The following TRPC6 variants were observed in gnomAD, a reference collection of about 807,000 sequenced individuals.
TRPC6 encodes the protein short transient receptor potential channel 6.
In TRPC6, 55 loss-of-function variants were observed where a neutral mutation model predicts 90.7. The ratio of observed to expected loss-of-function variants is 0.61; its 90% CI spans 0.49 to 0.76. The LOEUF (loss-of-function observed/expected upper bound fraction) is 0.76, where lower values mean the gene tolerates loss of function less well. TRPC6 is among the 30% of genes least tolerant of loss of function. The pLI is 0.00. For synonymous variants in TRPC6, 393 were observed against 393.0 expected (o/e 1.00, Z 0.00); for missense variants, 989 against 1,122.7 (o/e 0.88, Z 1.70).
At chr11:101,567,281 G>C (rs556965333) in intron 1 of TRPC6, among the ~76,000 whole-genome samples, 12 of 152,140 alleles carry the variant, frequency 7.9e-5, no homozygotes, top group African/African-American at 2.9e-4. Flanking sequence ...GCCCACCACA[G>C]CTCAGCAAAG....
chr11:101,514,449 G>C (rs11224810), intron 1 of TRPC6, among the ~76,000 whole-genome samples: 7,717 of 152,214 alleles, frequency 0.051, 332 homozygotes, highest in African/African-American at 0.11. Context: ...CTGAGAGGAG[G>C]GAAGAGGAGA....
chr11:101,463,676 G>C (rs765684479), intron 10 of TRPC6, among the ~76,000 whole-genome samples: 1 of 151,994 alleles, frequency 6.6e-6, no homozygotes, highest in African/African-American at 2.4e-5. Context: ...ATTTTTTATT[G>C]CATCTATTTG....
intron 1 of TRPC6, among the ~76,000 whole-genome samples, chr11:101,539,708 C>T (rs559888650): frequency 3.3e-5 from 5 of 152,232 alleles, no homozygotes; most frequent in Non-Finnish European, 7.4e-5. Context: ...AAAAATTGCT[C>T]ATAAATATTA....
In TRPC6 at chr11:101,500,078, T is replaced by C. The variant is rs28377128; in HGVS notation, c.945+3946A>G. Among the ~76,000 whole-genome samples, 14 of 144,230 alleles carry C rather than the reference T, an allele frequency of 9.7e-5. 2 individuals are homozygous for C. The highest frequency in any genetic ancestry group is 5.3e-5 in the African/African-American group (2 of 37,558). 94.6% of individuals were successfully genotyped at this position (144,230 alleles called of 152,430 possible). The stretch of plus-strand genomic sequence containing the variant: ...ATATGTGTGTGTGTATATATATATA[T>C]ACACACACACAATTTTTCTTTCCTT... On this transcript the variant is annotated intron_variant, in intron 2 of 12. Coordinates refer to ENST00000344327, the MANE Select transcript of TRPC6 (RefSeq NM_004621.6).
intron 4 of TRPC6, among the ~76,000 whole-genome samples, chr11:101,484,635 G>A (rs1376362971): frequency 7.1e-6 from 1 of 141,768 alleles, no homozygotes; most frequent in Non-Finnish European, 1.5e-5. Flanking sequence ...GTGTGTGTGT[G>A]TATGAGTGCA....
intron 2 of TRPC6, among the ~76,000 whole-genome samples, chr11:101,494,835 GGAGA>G (rs1017531325): frequency 2.6e-5 from 4 of 152,198 alleles, no homozygotes; most frequent in Non-Finnish European, 5.9e-5. Context: ...TATTTAAAAA[GGAGA>G]GAGAGAAAGA....
At chr11:101,523,911 A>G (rs1860717066) in intron 1 of TRPC6, among the ~76,000 whole-genome samples, 1 of 152,186 alleles carries the variant, frequency 6.6e-6, no homozygotes, top group African/African-American at 2.4e-5. Flanking sequence ...CCCTGCCTAC[A>G]TTTTAGTAAA....
intron 1 of TRPC6, among the ~76,000 whole-genome samples, chr11:101,511,206 T>C (rs1335805135): frequency 6.6e-6 from 1 of 152,152 alleles, no homozygotes; most frequent in African/African-American, 2.4e-5. Flanking sequence ...AAAGAAGTCA[T>C]TTGTTCTCAT....
intron 1 of TRPC6, among the ~76,000 whole-genome samples, chr11:101,559,720 G>C (rs1861670840): frequency 1.3e-5 from 2 of 150,722 alleles, no homozygotes; most frequent in Admixed American, 1.3e-4. Flanking sequence ...TGCCATGTTG[G>C]TGTGCTGCAC....
At chr11:101,554,863 C>G (rs986801054) in intron 1 of TRPC6, among the ~76,000 whole-genome samples, 22 of 152,078 alleles carry the variant, frequency 1.4e-4, no homozygotes, top group African/African-American at 4.8e-4. Flanking sequence ...GCTTGTCCTC[C>G]CACTGGGTGT....
At chr11:101,487,558 A>T (rs1195074246) in intron 4 of TRPC6, among the ~76,000 whole-genome samples, 1 of 151,684 alleles carries the variant, frequency 6.6e-6, no homozygotes, top group African/African-American at 2.4e-5. Context: ...TAAGTCTCCA[A>T]TGTCTATCAT....
intron 1 of TRPC6, among the ~76,000 whole-genome samples, chr11:101,579,523 T>C (rs1239485834): frequency 6.6e-6 from 1 of 152,204 alleles, no homozygotes; most frequent in Non-Finnish European, 1.5e-5. Context: ...TTAGCAGGAC[T>C]TGCTTTCTTC....
At chr11:101,554,781 A>G (rs1861524940) in intron 1 of TRPC6, among the ~76,000 whole-genome samples, 1 of 152,218 alleles carries the variant, frequency 6.6e-6, no homozygotes, top group Admixed American at 6.5e-5. Flanking sequence ...CAGCCTAAGA[A>G]AGATAGCAGC....
intron 4 of TRPC6, among the ~76,000 whole-genome samples, chr11:101,485,718 T>A (rs564097146): frequency 2.0e-5 from 3 of 152,260 alleles, no homozygotes; most frequent in South Asian, 2.1e-4. Flanking sequence ...TTCAAGGACA[T>A]CATACAGTAG....
intron 1 of TRPC6, among the ~76,000 whole-genome samples, chr11:101,559,519 CT>C (rs11358235): frequency 0.24 from 36,460 of 151,924 alleles, 4,677 homozygotes; most frequent in East Asian, 0.4. Context: ...TAAAAGTTAA[CT>C]TTTTTTCATA....
intron 1 of TRPC6, among the ~76,000 whole-genome samples, chr11:101,575,240 C>G (rs1437976288): frequency 6.6e-6 from 1 of 152,162 alleles, no homozygotes; most frequent in Non-Finnish European, 1.5e-5. Flanking sequence ...TTGCCTTTTG[C>G]AATCTTTAGT....
At position 101,548,457 on chromosome 11, in the gene TRPC6, G is replaced by GATAT. The variant is rs143790648; in HGVS notation, c.170+34873_170+34876dup. 9.8e-3 allele frequency among the ~76,000 whole-genome samples: 1,204 copies of GATAT among 123,402 alleles called. 27 individuals are homozygous for GATAT. Among genetic ancestry groups the GATAT allele is most frequent in the African/African-American group, 0.027 (967 of 35,336 alleles). 81.0% of individuals were successfully genotyped at this position (123,402 alleles called of 152,430 possible). ...TATATAATACATAATTATATATACT[G>GATAT]ATATATATATATATATATATCTCTC... On this transcript the variant is annotated intron_variant, in intron 1 of 12. Transcript: ENST00000344327.
chr11:101,566,331 T>C (rs1038778420), intron 1 of TRPC6, among the ~76,000 whole-genome samples: 6 of 152,214 alleles, frequency 3.9e-5, no homozygotes, highest in Admixed American at 1.3e-4. Flanking sequence ...AGATTTTTTT[T>C]CTGGAGATAA....
chr11:101,560,653 A>T (rs1259012268), intron 1 of TRPC6, among the ~76,000 whole-genome samples: 1 of 83,066 alleles, frequency 1.2e-5, no homozygotes, highest in African/African-American at 3.4e-5. Context: ...CAGTGTGATT[A>T]AAAAAAAAAT....
Sources: allele counts gnomAD v4.1 joint callset (sites outside exome capture counted in the v4.1 genomes callset), GRCh38; gene constraint gnomAD v4.1.1; transcripts MANE v1.5; gene names NCBI Gene and HGNC (gene_info 2026-07-23, HGNC 2026-07-21).